Variants in TMPRSS6 observed in about 807,000 individuals in gnomAD.
The protein encoded by TMPRSS6 is transmembrane protease serine 6.
A neutral mutation model predicts 101.5 loss-of-function variants in TMPRSS6; 67 were observed. The ratio of observed to expected loss-of-function variants is 0.66; its 90% CI spans 0.54 to 0.81. The LOEUF is 0.81. TMPRSS6 is among the 30% of genes least tolerant of loss of function. The pLI is 0.00. For missense variants in TMPRSS6, 1,034 were observed against 1,088.7 expected (o/e 0.95, Z 0.71); for synonymous variants, 453 against 464.9 (o/e 0.97, Z 0.33).
At chr22:37,110,165 A>G (rs1461434137), upstream of TMPRSS6, among the ~76,000 whole-genome samples, 2 of 113,948 alleles carry the variant, frequency 1.8e-5, no homozygotes, top group Non-Finnish European at 3.4e-5. Flanking sequence ...TTTTTTTAAG[A>G]TGGAGTCTCA....
Position 37,086,375 on chromosome 22 carries a change from G to C in TMPRSS6, c.881C>G (p.Ala294Gly), listed in dbSNP as rs772270379. ...GACGACCGCCATGATGGCCCCCGAC[G>C]CCAGAACCTCCACCACGGGCTCCTG... is the stretch of plus-strand genomic sequence containing the variant. ...SRQEPVVEVLASGAIMAVVWK... is the reference protein window; with the variant it reads ...SRQEPVVEVLGSGAIMAVVWK... The change falls in exon 8 of 18, where the codon GCG becomes GGG. Residue 294 changes from alanine (A) to glycine (G), a missense_variant. Physicochemically the swap from Ala to Gly is moderately conservative, Grantham distance 60. Transcript: ENST00000676104. The C allele has an allele frequency of 1.8e-5, 29 of 1,610,148 alleles. No individual in the cohort carries two copies. Among genetic ancestry groups the C allele is most frequent in the Non-Finnish European group, 2.4e-5 (28 of 1,178,326 alleles).
upstream of TMPRSS6, among the ~76,000 whole-genome samples, chr22:37,110,433 C>T (rs965581684): frequency 3.3e-5 from 5 of 151,926 alleles, no homozygotes; most frequent in Admixed American, 6.6e-5. Flanking sequence ...CATGAGCGAC[C>T]GCACGCAGCA....
rs1462906937 is a variant in TMPRSS6 at position 37,101,572 on chromosome 22, G to A, written c.202+1644C>T. Among the ~76,000 whole-genome samples, 3 of 152,088 alleles carry A rather than the reference G, an allele frequency of 2.0e-5. No homozygotes were observed. Among genetic ancestry groups the A allele is most frequent in the Non-Finnish European group, 4.4e-5 (3 of 67,998 alleles). ...CCCAGCGCCCAGTCCCAGGAGCACA[G>A]CCTGGTCAAGGCGGGAGGAGTCTTT... On this transcript the variant is annotated intron_variant, in intron 2 of 17. Coordinates refer to ENST00000676104, the MANE Select transcript of TMPRSS6 (RefSeq NM_001374504.1). The surrounding 1 kb of genome is among the most constrained non-coding windows in gnomAD (Gnocchi z 4.1).
At position 37,068,701 on chromosome 22, in the gene TMPRSS6, A is replaced by G; in HGVS notation, c.2113+372T>C. 5 of 779,650 alleles carry G rather than the reference A, an allele frequency of 6.4e-6. No individual in the cohort carries two copies. The South Asian group carries it at 6.7e-5, about 10-fold the overall frequency. 48.3% of individuals were successfully genotyped at this position (779,650 alleles called of 1,614,324 possible). Reference sequence around the variant, plus strand: ...GTAGGGCTGTTGGGTGGATTATATGAAGTCAAGTTCCCCTAAAATCCAGCC... The same window carrying G: ...GTAGGGCTGTTGGGTGGATTATATGGAGTCAAGTTCCCCTAAAATCCAGCC... On this transcript the variant is annotated intron_variant, in intron 16 of 17. Coordinates refer to ENST00000676104, the MANE Select transcript of TMPRSS6 (RefSeq NM_001374504.1).
Position 37,103,211 on chromosome 22 carries a change from G to A in TMPRSS6, c.202+5C>T, listed in dbSNP as rs749734326. 7.4e-6 allele frequency: 12 copies of A among 1,613,810 alleles called. No homozygotes were observed. The highest frequency in any genetic ancestry group is 6.7e-5 in the East Asian group (3 of 44,888). Reference sequence around the variant, plus strand: ...TGCCTCTCCCAGGCGGTCCCACAACGTTACCTAGGAAATACCAGAGTAGCA... The same window carrying A: ...TGCCTCTCCCAGGCGGTCCCACAACATTACCTAGGAAATACCAGAGTAGCA... On this transcript the variant is annotated splice_donor_5th_base_variant and intron_variant, in intron 2 of 17. Coordinates refer to ENST00000676104, the MANE Select transcript of TMPRSS6 (RefSeq NM_001374504.1). This position sits in a 1 kb window ranked among gnomAD's most constrained non-coding sequence, Gnocchi z 4.4.
At chr22:37,080,623 C>G (rs141799681) in intron 10 of TMPRSS6, among the ~76,000 whole-genome samples, 1 of 152,380 alleles carries the variant, frequency 6.6e-6, no homozygotes, top group Non-Finnish European at 1.5e-5. Flanking sequence ...TGGCCCAGTG[C>G]GGATGGTTTG....
intron 6 of TMPRSS6, among the ~76,000 whole-genome samples, chr22:37,090,224 C>T (rs1350336916): frequency 6.6e-6 from 1 of 152,180 alleles, no homozygotes; most frequent in Non-Finnish European, 1.5e-5. Context: ...ACACAGGGCA[C>T]GTGTATCTAG....
chr22:37,084,881 G>GGGT, intron 8 of TMPRSS6, 42 bp from the exon 9 acceptor site: 1 of 1,475,118 alleles, frequency 6.8e-7, no homozygotes, highest in Non-Finnish European at 9.2e-7. Context: ...TCCCCTGGCT[G>GGGT]CACCTCCCAG....
chr22:37,066,323 C>T (rs2146017946), intron 17 of TMPRSS6, 85 bp from the exon 18 acceptor site: 3 of 1,358,388 alleles, frequency 2.2e-6, no homozygotes, highest in Non-Finnish European at 3.0e-6. Context: ...TAAGTCCTGA[C>T]TGTTGGGAAT....
intron 3 of TMPRSS6, 122 bp from the exon 4 acceptor site, chr22:37,096,837 G>A: frequency 3.1e-6 from 3 of 973,974 alleles, no homozygotes; most frequent in Non-Finnish European, 3.2e-6. Flanking sequence ...CTCCAAGGTG[G>A]ACAGGCTTGA....
chr22:37,109,047 C>T (rs1009603425), intron 1 of TMPRSS6, among the ~76,000 whole-genome samples: 1 of 152,184 alleles, frequency 6.6e-6, no homozygotes, highest in Non-Finnish European at 1.5e-5. Context: ...CATACACATA[C>T]ATGCCAACTC....
Position 37,069,380 on chromosome 22 carries a change from G to T in TMPRSS6, c.1842-36C>A, listed in dbSNP as rs1334288172. ...GTGGGGTGGGGTGGGGTGGGGTGAGGTGAGGTGGGAGGAAGCTGCCTCTCC... is the reference window on the plus strand; with the variant it reads ...GTGGGGTGGGGTGGGGTGGGGTGAGTTGAGGTGGGAGGAAGCTGCCTCTCC... On this transcript the variant is annotated intron_variant, in intron 15 of 17. Transcript: ENST00000676104. The surrounding 1 kb of genome is among the most constrained non-coding windows in gnomAD (Gnocchi z 4.8). 6.0e-6 allele frequency: 9 copies of T among 1,496,604 alleles called. No homozygotes were observed. The African/African-American group carries it at 1.3e-4, about 21-fold the overall frequency. 92.7% of individuals were successfully genotyped at this position (1,496,604 alleles called of 1,614,324 possible). A position where few individuals can be genotyped will look rare whatever the true frequency, so the allele number is the denominator to read the frequency against.
In TMPRSS6 at chr22:37,070,543, C is replaced by G. The variant is rs780738670; in HGVS notation, c.1782G>C (p.Gly594=). ...CCCAGCGGTCAGCGATGAGGGCCCC[C>G]CCACAGATGTGTCGACCCCGAACCT... ...SLQVRGRHIC[G]GALIADRWVI... The change falls in exon 15 of 18, where the codon GGG becomes GGC. Residue 594 remains glycine (G), a synonymous_variant. Transcript: ENST00000676104. 28 of 1,613,330 alleles carry G rather than the reference C, an allele frequency of 1.7e-5. No individual in the cohort carries two copies. The highest frequency in any genetic ancestry group is 1.1e-5 in the South Asian group (1 of 91,086).
chr22:37,079,763 C>T (rs2146088179), intron 10 of TMPRSS6, among the ~76,000 whole-genome samples: 1 of 152,382 alleles, frequency 6.6e-6, no homozygotes, highest in South Asian at 2.1e-4. Flanking sequence ...TAGGAAATGA[C>T]TTCTTTGAAG....
At chr22:37,082,849 G>A (rs1269765875) in intron 10 of TMPRSS6, 5 of 406,056 alleles carry the variant, frequency 1.2e-5, no homozygotes, top group African/African-American at 1.0e-4. Context: ...CATGCCATGA[G>A]TATTTCTTCT....
At chr22:37,090,758 G>A (rs896413057) in intron 6 of TMPRSS6, among the ~76,000 whole-genome samples, 12 of 151,846 alleles carry the variant, frequency 7.9e-5, no homozygotes, top group African/African-American at 1.9e-4. Context: ...TTGCAGGGCC[G>A]CCAGCAGAGG....
chr22:37,068,137 T>C (rs1926511442), intron 16 of TMPRSS6, among the ~76,000 whole-genome samples: 1 of 152,206 alleles, frequency 6.6e-6, no homozygotes, highest in African/African-American at 2.4e-5. Context: ...TACCACTGTC[T>C]GTCTCCCCCG....
rs747608067 is a variant in TMPRSS6 at position 37,084,754 on chromosome 22, G to T, written c.1059C>A (p.Pro353=). Residue 353 remains proline, a synonymous_variant, in exon 9 of 18, where the codon CCC becomes CCA. Transcript: ENST00000676104. The part of the protein sequence containing the change: ...STPYFPSYYS[P]QTHCSWHLTV... ...TGAGGTGCCAGGAGCAGTGGGTTTG[G>T]GGCGAGTAGTAGCTGGGGAAGTACG... is the stretch of plus-strand genomic sequence containing the variant. 1 of 1,566,584 alleles carries T rather than the reference G, an allele frequency of 6.4e-7. No individual in the cohort carries two copies. The highest frequency in any genetic ancestry group is 8.7e-7 in the Non-Finnish European group (1 of 1,155,300).
intron 7 of TMPRSS6, among the ~76,000 whole-genome samples, chr22:37,088,411 C>T (rs1430613870): frequency 2.0e-5 from 3 of 152,194 alleles, no homozygotes; most frequent in African/African-American, 7.2e-5. Context: ...CTGGCCACAG[C>T]CCAAGTGAGA....
Sources: allele counts gnomAD v4.1 joint callset (sites outside exome capture counted in the v4.1 genomes callset), GRCh38; gene constraint gnomAD v4.1.1; non-coding constraint Gnocchi (gnomAD v3.1); transcripts MANE v1.5; gene names NCBI Gene and HGNC (gene_info 2026-07-23, HGNC 2026-07-21).